CYTH3: variants seen among roughly 807,000 people sequenced by gnomAD.
The protein encoded by CYTH3 is cytohesin-3.
In CYTH3, 23 loss-of-function variants were observed where a neutral mutation model predicts 55.1. That is an observed-to-expected ratio of 0.42 (90% CI 0.30 to 0.59). The LOEUF is 0.59. CYTH3 is among the 20% of genes least tolerant of loss of function. The pLI is 0.20. For missense variants in CYTH3, 413 were observed against 524.8 expected (o/e 0.79, Z 2.08); for synonymous variants, 249 against 194.9 (o/e 1.28, Z -2.31).
chr7:6,253,311 G>T (rs1780019154), intron 1 of CYTH3, among the ~76,000 whole-genome samples: 1 of 151,026 alleles, frequency 6.6e-6, no homozygotes, highest in African/African-American at 2.4e-5. Context: ...TCTGCCTCCT[G>T]GGTTCAAGCA....
At chr7:6,237,784 G>A (rs1468665624) in intron 1 of CYTH3, among the ~76,000 whole-genome samples, 1 of 152,050 alleles carries the variant, frequency 6.6e-6, no homozygotes, top group South Asian at 2.1e-4. Context: ...AAGGTTCCAC[G>A]TATATGTCCA....
chr7:6,266,838 A>G (rs1486787912), intron 1 of CYTH3, among the ~76,000 whole-genome samples: 1 of 152,182 alleles, frequency 6.6e-6, no homozygotes, highest in African/African-American at 2.4e-5. Context: ...CTGTCTCTCC[A>G]TCTAAACATG....
intron 2 of CYTH3, among the ~76,000 whole-genome samples, chr7:6,187,965 G>T (rs1409950389): frequency 6.6e-6 from 1 of 152,078 alleles, no homozygotes; most frequent in East Asian, 1.9e-4. Context: ...GGTCCACTCT[G>T]CAGATCCTAG....
chr7:6,190,939 T>G (rs2128544224), intron 1 of CYTH3, among the ~76,000 whole-genome samples: 2 of 151,734 alleles, frequency 1.3e-5, no homozygotes, highest in East Asian at 3.9e-4. Flanking sequence ...CAGCTGGGTG[T>G]GGTGACGCAT....
chr7:6,260,670 C>A (rs1184823511), intron 1 of CYTH3, among the ~76,000 whole-genome samples: 1 of 152,114 alleles, frequency 6.6e-6, no homozygotes, highest in Non-Finnish European at 1.5e-5. Flanking sequence ...CACAGCTGAT[C>A]GATCACTCCT....
At chr7:6,207,687 T>C (rs1181866132) in intron 1 of CYTH3, among the ~76,000 whole-genome samples, 1 of 150,794 alleles carries the variant, frequency 6.6e-6, no homozygotes, top group African/African-American at 2.4e-5. Flanking sequence ...CAGTGACTCA[T>C]ACCTGTAATC....
chr7:6,257,995 A>G (rs1252490002), intron 1 of CYTH3, among the ~76,000 whole-genome samples: 1 of 152,152 alleles, frequency 6.6e-6, no homozygotes, highest in African/African-American at 2.4e-5. Context: ...CAGGTCCAAC[A>G]AAGTCTAGCA....
At chr7:6,220,164 T>G (rs1026240794) in intron 1 of CYTH3, among the ~76,000 whole-genome samples, 8 of 152,154 alleles carry the variant, frequency 5.3e-5, no homozygotes, top group African/African-American at 1.9e-4. Flanking sequence ...CCCAAAGTGC[T>G]GGGATTACAG....
intron 1 of CYTH3, among the ~76,000 whole-genome samples, chr7:6,257,400 T>C (rs1232801342): frequency 6.6e-6 from 1 of 152,240 alleles, no homozygotes; most frequent in Admixed American, 6.5e-5. Context: ...ATTATTTTAT[T>C]TCCTCTCTGT....
chr7:6,199,380 T>C (rs1346346888), intron 1 of CYTH3, among the ~76,000 whole-genome samples: 1 of 152,146 alleles, frequency 6.6e-6, no homozygotes, highest in Non-Finnish European at 1.5e-5. Context: ...CCAGGCACAG[T>C]GGTTATGTGC....
intron 1 of CYTH3, 53 bp downstream of exon 1, chr7:6,272,421 C>A (rs1254150144): frequency 2.0e-5 from 19 of 957,240 alleles, no homozygotes; most frequent in Middle Eastern, 7.5e-4. Flanking sequence ...ACCCCCAGCC[C>A]CCGGCCCCCG....
intron 1 of CYTH3, among the ~76,000 whole-genome samples, chr7:6,242,812 T>C (rs1490633745): frequency 6.6e-6 from 1 of 152,132 alleles, no homozygotes; most frequent in Admixed American, 6.5e-5. Context: ...TCCTACCCAG[T>C]GCCTCCCATA....
chr7:6,190,428 GTTTTTT>G lies in CYTH3; in HGVS notation c.117+15_117+20del. 9.5e-6 allele frequency: 12 copies of G among 1,265,526 alleles called. No individual in the cohort carries two copies. Among genetic ancestry groups the G allele is most frequent in the Admixed American group, 8.3e-5 (2 of 24,168 alleles). 78.4% of individuals were successfully genotyped at this position (1,265,526 alleles called of 1,614,324 possible). A position where few individuals can be genotyped will look rare whatever the true frequency, so the allele number is the denominator to read the frequency against. Reference sequence around the variant, plus strand: ...CAAAAAACAGAGTTTTGGATTTTTGGTTTTTTTTTTTTTTTTTTACCTCAATGTCAT... The same window carrying G: ...CAAAAAACAGAGTTTTGGATTTTTGGTTTTTTTTTTTTACCTCAATGTCAT... On this transcript the variant is annotated intron_variant, in intron 2 of 12. Transcript: ENST00000350796.
At chr7:6,177,379 C>T (rs1402566568) in intron 5 of CYTH3, among the ~76,000 whole-genome samples, 7 of 152,244 alleles carry the variant, frequency 4.6e-5, no homozygotes, top group African/African-American at 1.4e-4. Flanking sequence ...AAGCCAGTCG[C>T]AGTCAGAAAG....
At chr7:6,271,131 C>G (rs546133616) in intron 1 of CYTH3, among the ~76,000 whole-genome samples, 1 of 152,270 alleles carries the variant, frequency 6.6e-6, no homozygotes, top group African/African-American at 2.4e-5. Flanking sequence ...GGGTTCGCAA[C>G]TGGGCGCCTT....
intron 1 of CYTH3, among the ~76,000 whole-genome samples, chr7:6,246,043 A>C (rs1779805779): frequency 2.6e-5 from 4 of 152,100 alleles, no homozygotes; most frequent in Admixed American, 2.6e-4. Flanking sequence ...TCTAAAACAC[A>C]GGGCAAAATA....
chr7:6,251,715 C>T (rs144318195), intron 1 of CYTH3, among the ~76,000 whole-genome samples: 3 of 152,038 alleles, frequency 2.0e-5, no homozygotes, highest in African/African-American at 7.2e-5. Context: ...CCCTGAACCA[C>T]GGAAACGTAA....
intron 4 of CYTH3, among the ~76,000 whole-genome samples, chr7:6,181,031 T>C (rs951928905): frequency 1.3e-5 from 2 of 152,218 alleles, no homozygotes; most frequent in African/African-American, 4.8e-5. Flanking sequence ...TATTCAATGT[T>C]TGTTAATAAT....
rs1305395168 is a variant in CYTH3, at chr7:6,167,342, C to T, written c.824-1532G>A. Among the ~76,000 whole-genome samples the T allele has an allele frequency of 6.6e-6, 1 of 152,170 alleles. No homozygotes were observed. The highest frequency in any genetic ancestry group is 1.9e-4 in the East Asian group (1 of 5,194). ...GAGCAGTGAGAGGTGTTCTATGTCC[C>T]CGAGACCCTAGGGACAGGAGGACAG... is the stretch of plus-strand genomic sequence containing the variant. On this transcript the variant is annotated intron_variant, in intron 9 of 12. Coordinates refer to ENST00000350796, the MANE Select transcript of CYTH3 (RefSeq NM_004227.4). This position sits in a 1 kb window ranked among gnomAD's most constrained non-coding sequence, Gnocchi z 5.5.
Sources: allele counts gnomAD v4.1 joint callset (sites outside exome capture counted in the v4.1 genomes callset), GRCh38; gene constraint gnomAD v4.1.1; non-coding constraint Gnocchi (gnomAD v3.1); transcripts MANE v1.5; gene names NCBI Gene and HGNC (gene_info 2026-07-23, HGNC 2026-07-21).